Variants in NCOR1 observed in about 807,000 individuals in gnomAD.
The protein encoded by NCOR1 is nuclear receptor corepressor 1, also known as protein phosphatase 1, regulatory subunit 109.
In NCOR1, 63 loss-of-function variants were observed where a neutral mutation model predicts 288.1. The ratio of observed to expected loss-of-function variants is 0.22; its 90% CI spans 0.18 to 0.27. NCOR1 has a LOEUF of 0.27. Among genes scored for constraint, NCOR1 ranks in the 10% least tolerant of loss-of-function variants. NCOR1 has a pLI of 1.00. For synonymous variants in NCOR1, 1,007 were observed against 1,065.9 expected, an observed-to-expected ratio of 0.94 and a Z score of 1.08; for missense variants, 2,397 against 3,019.2, an observed-to-expected ratio of 0.79 and a Z score of 4.83.
At chr17:16,095,063 C>G (rs1243531429) in intron 21 of NCOR1, among the ~76,000 whole-genome samples, 1 of 151,166 alleles carries the variant, frequency 6.6e-6, no homozygotes, top group Non-Finnish European at 1.5e-5. Context: ...GCCTGGCTGC[C>G]CAGTCTGGAA....
chr17:16,051,971 C>T (rs189952502), intron 40 of NCOR1, among the ~76,000 whole-genome samples: 257 of 152,144 alleles, frequency 1.7e-3, no homozygotes, highest in African/African-American at 5.9e-3. Context: ...GAGATTCAGA[C>T]ACAAAAAAAC....
At chr17:16,079,476 T>C (rs1461556005) in intron 26 of NCOR1, among the ~76,000 whole-genome samples, 2 of 152,202 alleles carry the variant, frequency 1.3e-5, no homozygotes, top group Non-Finnish European at 2.9e-5. Flanking sequence ...TTAATCAAAA[T>C]TGGTGATGTA....
rs545117066 is a variant in NCOR1, at chr17:16,032,088, T to A, written c.*208A>T. 1.9e-6 allele frequency: 1 copy of A among 529,942 alleles called. No homozygotes were observed. The highest frequency in any genetic ancestry group is 3.4e-5 in the East Asian group (1 of 29,350). 32.8% of individuals were successfully genotyped at this position (529,942 alleles called of 1,614,324 possible). Reference sequence around the variant, plus strand: ...TATTATTATAGTCCACTGAATTGCCTGTATCAAAGGCAGTTTTTTGTTTGT... The same window carrying A: ...TATTATTATAGTCCACTGAATTGCCAGTATCAAAGGCAGTTTTTTGTTTGT... On this transcript the variant is annotated 3_prime_UTR_variant, in exon 46 of 46. Coordinates refer to ENST00000268712, the MANE Select transcript of NCOR1 (RefSeq NM_006311.4).
At chr17:16,041,902 A>C (rs1433093845) in intron 42 of NCOR1, among the ~76,000 whole-genome samples, 1 of 151,896 alleles carries the variant, frequency 6.6e-6, no homozygotes, top group Non-Finnish European at 1.5e-5. Context: ...ATGCCTGGCT[A>C]ATTTTTTACA....
At chr17:16,203,740 A>G (rs1459368716) in intron 1 of NCOR1, among the ~76,000 whole-genome samples, 3 of 152,242 alleles carry the variant, frequency 2.0e-5, no homozygotes, top group Non-Finnish European at 4.4e-5. Context: ...ATTTTTTTAA[A>G]AGAAATAAGA....
intron 37 of NCOR1, 88 bp downstream of exon 37, chr17:16,061,313 T>G: frequency 6.9e-7 from 1 of 1,458,054 alleles, no homozygotes; most frequent in Non-Finnish European, 9.2e-7. Context: ...TTAGGATTTT[T>G]AAATACCATA....
intron 25 of NCOR1, 44 bp downstream of exon 25, chr17:16,080,364 T>C (rs771698116): frequency 1.2e-5 from 18 of 1,462,444 alleles, no homozygotes; most frequent in Middle Eastern, 1.8e-4. Flanking sequence ...AATAAATTTA[T>C]TGGGGACAAA....
intron 1 of NCOR1, among the ~76,000 whole-genome samples, chr17:16,204,974 G>A (rs1219988617): frequency 4.6e-5 from 7 of 152,162 alleles, no homozygotes; most frequent in Non-Finnish European, 1.0e-4. Flanking sequence ...TGATCCCAAC[G>A]CTTTGGGAGG....
At chr17:16,087,202 T>C (rs913494063) in intron 22 of NCOR1, 3 of 1,304,212 alleles carry the variant, frequency 2.3e-6, no homozygotes, top group Non-Finnish European at 2.0e-6. Flanking sequence ...GCTGCACTCA[T>C]ATCAGGCTGT....
At chr17:16,136,617 C>A (rs1321055331) in intron 14 of NCOR1, among the ~76,000 whole-genome samples, 1 of 151,942 alleles carries the variant, frequency 6.6e-6, no homozygotes, top group Non-Finnish European at 1.5e-5. Context: ...ACCATCCTGG[C>A]CAACATGGTG....
chr17:16,181,936 C>G (rs2085567880), intron 3 of NCOR1, among the ~76,000 whole-genome samples: 1 of 151,944 alleles, frequency 6.6e-6, no homozygotes, highest in Admixed American at 6.5e-5. Flanking sequence ...GTATGGGTAA[C>G]AAACTTTTTT....
At chr17:16,157,117 G>A (rs1204196181) in intron 6 of NCOR1, among the ~76,000 whole-genome samples, 1 of 151,930 alleles carries the variant, frequency 6.6e-6, no homozygotes, top group Non-Finnish European at 1.5e-5. Flanking sequence ...CAGCTATGCA[G>A]AGGACTTTTT....
At chr17:16,038,161 A>G (rs1457130325) in intron 44 of NCOR1, among the ~76,000 whole-genome samples, 1 of 151,824 alleles carries the variant, frequency 6.6e-6, no homozygotes, top group Non-Finnish European at 1.5e-5. Context: ...AAATAAATCT[A>G]AACTAAAACA....
intron 1 of NCOR1, among the ~76,000 whole-genome samples, chr17:16,200,273 G>A (rs985870999): frequency 1.3e-5 from 2 of 151,798 alleles, no homozygotes; most frequent in Non-Finnish European, 2.9e-5. Flanking sequence ...GGATCACAAG[G>A]TCAGGAGATC....
intron 27 of NCOR1, among the ~76,000 whole-genome samples, chr17:16,073,794 T>G (rs973465743): frequency 6.6e-6 from 1 of 152,244 alleles, no homozygotes; most frequent in Admixed American, 6.5e-5. Flanking sequence ...CAGGTAAGAT[T>G]AACAAATTAA....
intron 4 of NCOR1, among the ~76,000 whole-genome samples, chr17:16,171,473 C>T (rs2083130310): frequency 6.6e-6 from 1 of 152,110 alleles, no homozygotes; most frequent in Non-Finnish European, 1.5e-5. Flanking sequence ...TAAGATTTAA[C>T]AAAACTAGTA....
rs1416033083 is a variant in NCOR1 at position 16,051,701 on chromosome 17, C to T, written c.6393-2713G>A. ...CTAAGGCAGGCGGATCACCGGAGGT[C>T]GGGAGTTTGAGACCAGTCTGACCAA... On this transcript the variant is annotated intron_variant, in intron 40 of 45. Transcript: ENST00000268712. 3.9e-5 allele frequency among the ~76,000 whole-genome samples: 6 copies of T among 151,998 alleles called. No homozygotes were observed. In the East Asian group the frequency reaches 5.8e-4, roughly 15 times the overall value.
chr17:16,148,487 A>G (rs1359320317), intron 9 of NCOR1, among the ~76,000 whole-genome samples: 1 of 152,086 alleles, frequency 6.6e-6, no homozygotes, highest in Non-Finnish European at 1.5e-5. Context: ...AGAATAATAT[A>G]TGGGACAGAG....
chr17:16,059,831 AG>A (rs2060352406), intron 37 of NCOR1, among the ~76,000 whole-genome samples: 1 of 152,282 alleles, frequency 6.6e-6, no homozygotes, highest in African/African-American at 2.4e-5. Context: ...TATCCCCACC[AG>A]GTCATGGAAA....
Sources: allele counts gnomAD v4.1 joint callset (sites outside exome capture counted in the v4.1 genomes callset), GRCh38; gene constraint gnomAD v4.1.1; transcripts MANE v1.5; gene names NCBI Gene and HGNC (gene_info 2026-07-23, HGNC 2026-07-21).